TTC22: variants seen among roughly 807,000 people sequenced by gnomAD.
The protein encoded by TTC22 is tetratricopeptide repeat protein 22.
In TTC22, 42 loss-of-function variants were observed where a neutral mutation model predicts 48.2. The observed-to-expected ratio is 0.87, with a 90% CI of 0.68 to 1.13. The LOEUF (loss-of-function observed/expected upper bound fraction) is 1.13, where lower values mean the gene tolerates loss of function less well. Ranked by LOEUF, TTC22 falls within the 50% of genes most tolerant of loss-of-function variation. The pLI, the probability that TTC22 is intolerant of heterozygous loss-of-function variation, is 0.00. For missense variants in TTC22, 784 were observed against 807.0 expected (o/e 0.97, Z 0.34); for synonymous variants, 345 against 365.5 (o/e 0.94, Z 0.64).
intron 1 of TTC22, among the ~76,000 whole-genome samples, chr1:54,797,354 T>C (rs1453827927): frequency 6.6e-6 from 1 of 152,238 alleles, no homozygotes; most frequent in Non-Finnish European, 1.5e-5. Context: ...CTCCTCATAT[T>C]TTTTGTAATT....
At chr1:54,788,980 C>T (rs75361747) in intron 1 of TTC22, among the ~76,000 whole-genome samples, 1,787 of 152,350 alleles carry the variant, frequency 0.012, 13 homozygotes, top group Non-Finnish European at 0.018. Context: ...AATAGGATGC[C>T]ACTCAGTGCC....
At position 54,801,230 on chromosome 1, in the gene TTC22, C is replaced by A; in HGVS notation, c.-67G>T. On this transcript the variant is annotated 5_prime_UTR_variant, in exon 1 of 7. Coordinates refer to ENST00000371276, the MANE Select transcript of TTC22 (RefSeq NM_001114108.2). ...GGCTGTGGAGGGCAGTGGATGGGGG[C>A]GTTCCCCGAGCGAGCTCCGTGCGGG... 6.6e-7 allele frequency: 1 copy of A among 1,509,224 alleles called. No individual in the cohort carries two copies. The highest frequency in any genetic ancestry group is 9.0e-7 in the Non-Finnish European group (1 of 1,110,546). 93.5% of individuals were successfully genotyped at this position (1,509,224 alleles called of 1,614,324 possible). A position where few individuals can be genotyped will look rare whatever the true frequency, so the allele number is the denominator to read the frequency against.
rs566496529 is a variant in TTC22, at chr1:54,785,924, C to T, written c.1020+59G>A. ...GGCCCTGGCAACAGGGTCTTGGCCTCTGGCCCTTGTTCTCTGATTCCCAAT... is the reference window on the plus strand; with the variant it reads ...GGCCCTGGCAACAGGGTCTTGGCCTTTGGCCCTTGTTCTCTGATTCCCAAT... On this transcript the variant is annotated intron_variant, in intron 5 of 6. Coordinates refer to ENST00000371276, the MANE Select transcript of TTC22 (RefSeq NM_001114108.2). 1.9e-6 allele frequency: 3 copies of T among 1,555,568 alleles called. No individual in the cohort carries two copies. The South Asian group carries it at 3.6e-5, about 19-fold the overall frequency.
chr1:54,784,530 A>C, intron 5 of TTC22: 1 of 1,010,708 alleles, frequency 9.9e-7, no homozygotes, highest in Non-Finnish European at 1.2e-6. Flanking sequence ...TGAACATTAA[A>C]TCAGACCATG....
At chr1:54,791,174 A>G (rs1330690129) in intron 1 of TTC22, among the ~76,000 whole-genome samples, 1 of 152,080 alleles carries the variant, frequency 6.6e-6, no homozygotes, top group East Asian at 1.9e-4. Flanking sequence ...GGCTGCTTCT[A>G]TGTGAGCAAT....
At position 54,800,722 on chromosome 1, in the gene TTC22, G is replaced by T; in HGVS notation, c.442C>A (p.Arg148Ser). The T allele has an allele frequency of 6.5e-7, 1 of 1,542,196 alleles. No individual in the cohort carries two copies. Among genetic ancestry groups the T allele is most frequent in the Non-Finnish European group, 8.7e-7 (1 of 1,149,608 alleles). Residue 148 changes from arginine (R) to serine (S), a missense_variant, in exon 1 of 7, where the codon CGC (arginine) becomes AGC (serine). Transcript: ENST00000371276. ...AAGDPQLRAA[R>S]CLAEQGYAHG... ...GCGTAGCCCTGCTCGGCCAGGCAGC[G>T]AGCGGCGCGGAGCTGGGGGTCCCCG...
At chr1:54,790,640 A>T (rs913676307) in intron 1 of TTC22, among the ~76,000 whole-genome samples, 1 of 152,120 alleles carries the variant, frequency 6.6e-6, no homozygotes, top group Non-Finnish European at 1.5e-5. Context: ...CTTACACTGG[A>T]CCTGGGAAGG....
chr1:54,784,449 C>A (rs1035332231), intron 5 of TTC22: 8 of 700,860 alleles, frequency 1.1e-5, no homozygotes, highest in African/African-American at 1.9e-5. Context: ...TGGGGAAGTT[C>A]CCTGCCTCCC....
At chr1:54,789,979 G>A (rs1270141997) in intron 1 of TTC22, among the ~76,000 whole-genome samples, 1 of 152,242 alleles carries the variant, frequency 6.6e-6, no homozygotes, top group Non-Finnish European at 1.5e-5. Flanking sequence ...ATGGTAAGGA[G>A]TGGAGGGAAG....
At chr1:54,798,343 G>T (rs769608563) in intron 1 of TTC22, among the ~76,000 whole-genome samples, 4 of 152,216 alleles carry the variant, frequency 2.6e-5, no homozygotes, top group Non-Finnish European at 4.4e-5. Flanking sequence ...TGCTGAAGGG[G>T]AGTGTTCCCT....
In TTC22 at chr1:54,800,761, CCT is replaced by C; in HGVS notation, c.401_402del (p.Glu134GlyfsTer85). 1.9e-6 allele frequency: 3 copies of C among 1,551,510 alleles called. No individual in the cohort carries two copies. The highest frequency in any genetic ancestry group is 3.7e-4 in the Middle Eastern group (2 of 5,392). On this transcript the variant is annotated frameshift_variant, in exon 1 of 7. Transcript: ENST00000371276. LOFTEE classifies it high-confidence loss of function. Reference protein sequence around the residue: ...ARLADLMGLAEEPEAAGDPQL... With the variant: ...ARLADLMGLAXEPEAAGDPQL... ...TGGGGGTCCCCGGCGGCCTCGGGCT[CCT>C]CTGCCAGGCCCATGAGGTCGGCCAG...
chr1:54,786,467 A>C, intron 4 of TTC22: 1 of 298,598 alleles, frequency 3.3e-6, no homozygotes, highest in South Asian at 5.0e-5. Context: ...GGCAGGTGAG[A>C]GGAAGGGCCA....
intron 1 of TTC22, among the ~76,000 whole-genome samples, chr1:54,790,418 T>G (rs1351357696): frequency 1.3e-5 from 2 of 152,176 alleles, no homozygotes; most frequent in Non-Finnish European, 2.9e-5. Flanking sequence ...AATGCCAAGA[T>G]CCGACGGATG....
chr1:54,785,293 C>T (rs1360365795), intron 5 of TTC22: 1 of 274,990 alleles, frequency 3.6e-6, no homozygotes, highest in African/African-American at 2.3e-5. Flanking sequence ...TGTCTGTTGA[C>T]AACATTTTAA....
intron 1 of TTC22, among the ~76,000 whole-genome samples, chr1:54,790,464 C>T (rs1646341312): frequency 6.6e-6 from 1 of 152,126 alleles, no homozygotes; most frequent in South Asian, 2.1e-4. Context: ...GAAAGGTAAT[C>T]CTGTTACTTA....
In TTC22 at chr1:54,800,873, C is replaced by G. The variant is rs1288431922; in HGVS notation, c.291G>C (p.Pro97=). 6.2e-7 allele frequency: 1 copy of G among 1,610,470 alleles called. No homozygotes were observed. The highest frequency in any genetic ancestry group is 8.5e-7 in the Non-Finnish European group (1 of 1,179,306). ...GATTGGCCCAGGCATTGAGGTTGCCCGGGTGCTCGTGGGCCACCTCGAGGA... is the reference window on the plus strand; with the variant it reads ...GATTGGCCCAGGCATTGAGGTTGCCGGGGTGCTCGTGGGCCACCTCGAGGA... ...ECFLEVAHEH[P]GNLNAWANLA... is the part of the protein sequence containing the mutation. Residue 97 remains proline, a synonymous_variant, in exon 1 of 7, where the codon CCG becomes CCC. Coordinates refer to ENST00000371276, the MANE Select transcript of TTC22 (RefSeq NM_001114108.2).
chr1:54,782,529 C>A, intron 5 of TTC22, 52 bp from the exon 6 acceptor site: 2 of 1,488,908 alleles, frequency 1.3e-6, no homozygotes, highest in Non-Finnish European at 1.8e-6. Context: ...GGGCCTCTGC[C>A]TTCCTCTCTG....
At position 54,789,325 on chromosome 1, in the gene TTC22, G is replaced by A. The variant is rs116901324; in HGVS notation, c.568-1228C>T. Among the ~76,000 whole-genome samples the A allele has an allele frequency of 2.4e-4, 36 of 152,328 alleles. No individual in the cohort carries two copies. In the East Asian group the frequency reaches 6.8e-3, roughly 29 times the overall value. ...CTTAAGGAGGGTCTTGGGTCATATTGGCACTTCAAAGGGTGGGCTCCAGAT... is the reference window on the plus strand; with the variant it reads ...CTTAAGGAGGGTCTTGGGTCATATTAGCACTTCAAAGGGTGGGCTCCAGAT... On this transcript the variant is annotated intron_variant, in intron 1 of 6. Transcript: ENST00000371276.
In TTC22 at chr1:54,800,710, C is replaced by T. The variant is rs1254769614; in HGVS notation, c.454G>A (p.Glu152Lys). 2 of 1,545,370 alleles carry T rather than the reference C, an allele frequency of 1.3e-6. No individual in the cohort carries two copies. Among genetic ancestry groups the T allele is most frequent in the South Asian group, 2.4e-5 (2 of 84,722 alleles). Residue 152 changes from glutamate (E) to lysine (K), a missense_variant, in exon 1 of 7, where the codon GAG becomes AAG. Physicochemically the swap from Glu to Lys is moderately conservative, Grantham distance 56. Coordinates refer to ENST00000371276, the MANE Select transcript of TTC22 (RefSeq NM_001114108.2). Reference sequence around the variant, plus strand: ...TCGAAGCCATGCGCGTAGCCCTGCTCGGCCAGGCAGCGAGCGGCGCGGAGC... The same window carrying T: ...TCGAAGCCATGCGCGTAGCCCTGCTTGGCCAGGCAGCGAGCGGCGCGGAGC... ...PQLRAARCLA[E>K]QGYAHGFDVG...
Sources: gnomAD v4.1 joint callset for allele counts (sites outside exome capture counted in the v4.1 genomes callset) on GRCh38, gnomAD v4.1.1 for gene constraint, MANE v1.5 for transcripts, NCBI Gene and HGNC (gene_info 2026-07-23, HGNC 2026-07-21) for gene names.